Variants in KHDRBS2 observed in about 807,000 individuals in gnomAD.
The protein encoded by KHDRBS2 is KH domain-containing, RNA-binding, signal transduction-associated protein 2.
Under a neutral mutation model 44.3 loss-of-function variants are expected in KHDRBS2, and 26 were observed. The observed-to-expected ratio is 0.59, with a 90% CI of 0.43 to 0.81. The LOEUF is 0.81. Among genes scored for constraint, KHDRBS2 ranks in the 40% least tolerant of loss-of-function variants. The pLI is 0.00. For missense variants in KHDRBS2, 476 were observed against 433.1 expected, an observed-to-expected ratio of 1.10 and a Z score of -0.88; for synonymous variants, 194 against 151.1, an observed-to-expected ratio of 1.28 and a Z score of -2.08.
chr6:62,056,253 T>A (rs144179379), intron 2 of KHDRBS2, among the ~76,000 whole-genome samples: 1 of 151,830 alleles, frequency 6.6e-6, no homozygotes, highest in South Asian at 2.1e-4. Context: ...GAATTACTCA[T>A]AACTATATAA....
At chr6:61,891,133 C>T (rs532712969) in intron 6 of KHDRBS2, among the ~76,000 whole-genome samples, 8 of 152,156 alleles carry the variant, frequency 5.3e-5, no homozygotes, top group Admixed American at 2.0e-4. Flanking sequence ...CAATAATTTA[C>T]ATAAGACATT....
At chr6:61,776,951 T>C (rs1782136275) in intron 6 of KHDRBS2, among the ~76,000 whole-genome samples, 2 of 152,150 alleles carry the variant, frequency 1.3e-5, no homozygotes, top group African/African-American at 2.4e-5. Context: ...TGGAATACTA[T>C]GCAGCCATAA....
At chr6:61,945,584 T>G (rs1813200837) in intron 4 of KHDRBS2, among the ~76,000 whole-genome samples, 1 of 152,098 alleles carries the variant, frequency 6.6e-6, no homozygotes, top group African/African-American at 2.4e-5. Flanking sequence ...GAAACTTTTT[T>G]GCAATGTTTT....
chr6:62,059,549 A>G (rs1157192290), intron 2 of KHDRBS2, among the ~76,000 whole-genome samples: 1 of 151,790 alleles, frequency 6.6e-6, no homozygotes, highest in East Asian at 2.0e-4. Flanking sequence ...TAATCAAAAT[A>G]AATTCTAATC....
intron 6 of KHDRBS2, among the ~76,000 whole-genome samples, chr6:61,741,493 T>C (rs1284981801): frequency 6.6e-6 from 1 of 151,952 alleles, no homozygotes; most frequent in African/African-American, 2.4e-5. Flanking sequence ...TTATTCTAGA[T>C]TAAGGGGGTA....
At chr6:61,817,890 T>G (rs1333171164) in intron 6 of KHDRBS2, among the ~76,000 whole-genome samples, 2 of 152,078 alleles carry the variant, frequency 1.3e-5, no homozygotes, top group African/African-American at 4.8e-5. Context: ...GAAACATTGG[T>G]GACAGGCCAG....
chr6:62,065,711 C>G (rs920302983), intron 2 of KHDRBS2, among the ~76,000 whole-genome samples: 2 of 147,772 alleles, frequency 1.4e-5, no homozygotes, highest in Non-Finnish European at 3.0e-5. Flanking sequence ...TGCAGCGCAC[C>G]AGCATGGCAC....
chr6:61,979,801 G>C (rs1188763896), intron 3 of KHDRBS2, among the ~76,000 whole-genome samples: 2 of 152,072 alleles, frequency 1.3e-5, no homozygotes, highest in Non-Finnish European at 2.9e-5. Flanking sequence ...TTTGGGTCCT[G>C]CTAAGGTGCA....
At chr6:62,044,711 T>A (rs1474130543) in intron 3 of KHDRBS2, among the ~76,000 whole-genome samples, 2 of 151,984 alleles carry the variant, frequency 1.3e-5, no homozygotes, top group Non-Finnish European at 1.5e-5. Flanking sequence ...GAGCCCCTCA[T>A]GTGGCTTCAG....
intron 6 of KHDRBS2, among the ~76,000 whole-genome samples, chr6:61,770,536 A>C (rs1181837803): frequency 6.6e-6 from 1 of 152,232 alleles, no homozygotes; most frequent in African/African-American, 2.4e-5. Flanking sequence ...CTATGTGACG[A>C]ATGCAGAAGC....
chr6:61,710,085 G>A (rs1770250158), intron 7 of KHDRBS2, among the ~76,000 whole-genome samples: 1 of 151,530 alleles, frequency 6.6e-6, no homozygotes, highest in Non-Finnish European at 1.5e-5. Context: ...TTAAGAAAAA[G>A]GTTATTTTCA....
chr6:62,090,299 T>C (rs886094827), intron 2 of KHDRBS2, among the ~76,000 whole-genome samples: 8 of 152,172 alleles, frequency 5.3e-5, no homozygotes, highest in Non-Finnish European at 1.0e-4. Flanking sequence ...AGTTGCTAGT[T>C]TTAAGGGCCC....
chr6:62,212,812 T>C (rs1039652001), intron 1 of KHDRBS2, among the ~76,000 whole-genome samples: 2 of 152,046 alleles, frequency 1.3e-5, no homozygotes, highest in African/African-American at 2.4e-5. Context: ...CAATAAATCT[T>C]TGTCGTTTTA....
At chr6:61,546,111 A>T in the KHDRBS2 span, among the ~76,000 whole-genome samples, 5 of 152,058 alleles carry the variant, frequency 3.3e-5, no homozygotes, top group African/African-American at 1.2e-4. Context: ...TAAACCAAAA[A>T]TCTTTATCTA....
intron 6 of KHDRBS2, among the ~76,000 whole-genome samples, chr6:61,789,077 G>A (rs535091616): frequency 6.6e-6 from 1 of 151,278 alleles, no homozygotes; most frequent in African/African-American, 2.4e-5. Context: ...GTAAGAAAAC[G>A]AGTAGCTATC....
chr6:62,171,807 A>G (rs1302923436), intron 2 of KHDRBS2, among the ~76,000 whole-genome samples: 1 of 152,160 alleles, frequency 6.6e-6, no homozygotes, highest in African/African-American at 2.4e-5. Context: ...TACAACCAAT[A>G]ATTTCATTTC....
intron 1 of KHDRBS2, among the ~76,000 whole-genome samples, chr6:62,198,099 G>GA (rs1826070182): frequency 6.6e-6 from 1 of 152,122 alleles, no homozygotes; most frequent in Non-Finnish European, 1.5e-5. Context: ...TGTGCAGAGG[G>GA]AAATTTACAG....
intron 2 of KHDRBS2, among the ~76,000 whole-genome samples, chr6:62,119,449 T>C (rs1341532327): frequency 6.6e-6 from 1 of 152,144 alleles, no homozygotes. Context: ...AGTAAGAGTT[T>C]TATCTCCTGT....
intron 4 of KHDRBS2, among the ~76,000 whole-genome samples, chr6:61,901,686 A>C (rs1804074239): frequency 6.6e-6 from 1 of 152,196 alleles, no homozygotes; most frequent in Non-Finnish European, 1.5e-5. Context: ...AGAACTTGGA[A>C]TGTGCTAAAG....
Sources: allele counts gnomAD v4.1 joint callset (sites outside exome capture counted in the v4.1 genomes callset), GRCh38; gene constraint gnomAD v4.1.1; transcripts MANE v1.5; gene names NCBI Gene and HGNC (gene_info 2026-07-23, HGNC 2026-07-21).